The following EP400 variants were observed in gnomAD, a reference collection of about 807,000 sequenced individuals.
EP400 encodes E1A-binding protein p400.
EP400 carries 105 observed loss-of-function variants against 354.1 expected under a neutral mutation model. The observed-to-expected ratio is 0.30, with a 90% CI of 0.25 to 0.35. EP400 has a LOEUF of 0.35. Among genes scored for constraint, EP400 ranks in the 10% least tolerant of loss-of-function variants. EP400 has a pLI of 1.00. For synonymous variants in EP400, 1,646 were observed against 1,716.9 expected (o/e 0.96, Z 1.02); for missense variants, 3,280 against 4,121.0 (o/e 0.80, Z 5.59).
At position 132,064,930 on chromosome 12, in the gene EP400, T is replaced by C. The variant is rs759413311; in HGVS notation, c.8553+44T>C. ...TTGTTTTCCAAAAGCAGCATCTTTT[T>C]ATGTTTTAACACAGCTGTTGCGCTT... On this transcript the variant is annotated intron_variant, in intron 48 of 52. Transcript: ENST00000389561. The C allele has an allele frequency of 2.2e-5, 34 of 1,552,206 alleles. No homozygotes were observed. The Admixed American group carries it at 6.0e-4, about 27-fold the overall frequency.
At chr12:131,971,467 C>CA (rs1651072733) in intron 2 of EP400, among the ~76,000 whole-genome samples, 1 of 152,202 alleles carries the variant, frequency 6.6e-6, no homozygotes, top group Non-Finnish European at 1.5e-5. Context: ...CTCTTCAAGA[C>CA]ACGGATTTCC....
At chr12:131,995,151 C>T (rs1487534001) in intron 12 of EP400, 195 bp downstream of exon 12, 3 of 517,950 alleles carry the variant, frequency 5.8e-6, no homozygotes, top group South Asian at 2.2e-5. Flanking sequence ...TCGGACACTG[C>T]CCTGACTGTC....
rs185702354 is a variant in EP400 at position 132,017,513 on chromosome 12, G to A, written c.3924-22G>A. The A allele has an allele frequency of 7.7e-5, 124 of 1,611,638 alleles. No individual in the cohort carries two copies. In the Admixed American group the frequency reaches 1.1e-3, roughly 14 times the overall value. On this transcript the variant is annotated intron_variant, in intron 19 of 52. Coordinates refer to ENST00000389561, the MANE Select transcript of EP400 (RefSeq NM_015409.5). The surrounding 1 kb of genome is among the most constrained non-coding windows in gnomAD (Gnocchi z 5.0). ...ATGTGCCGTTTGGATTGAATGCTTC[G>A]TGTTTCTTTCTCCACGGGCAGCACT...
rs1894073731 is a variant in EP400 at position 132,020,081 on chromosome 12, C to T, written c.4310C>T (p.Pro1437Leu). 6.9e-6 allele frequency: 11 copies of T among 1,592,346 alleles called. No individual in the cohort carries two copies. Among genetic ancestry groups the T allele is most frequent in the Non-Finnish European group, 8.6e-6 (10 of 1,169,242 alleles). Residue 1437 changes from proline (P) to leucine (L), a missense_variant, in exon 22 of 53, where the codon CCC (proline) becomes CTC (leucine). Physicochemically the swap from Pro to Leu is moderately conservative, Grantham distance 98. Coordinates refer to ENST00000389561, the MANE Select transcript of EP400 (RefSeq NM_015409.5). ...LFQPVQYGQK[P>L]EGRTVAFPST... ...CAGCCTGTGCAGTATGGCCAGAAGCCCGAGGGTCGCACCGTGGCTTTCCCC... is the reference window on the plus strand; with the variant it reads ...CAGCCTGTGCAGTATGGCCAGAAGCTCGAGGGTCGCACCGTGGCTTTCCCC...
chr12:131,953,100 A>G (rs1891571284), intron 1 of EP400, among the ~76,000 whole-genome samples: 1 of 152,150 alleles, frequency 6.6e-6, no homozygotes, highest in East Asian at 1.9e-4. Context: ...GGGTGAAAAA[A>G]CTTAGGCATT....
intron 2 of EP400, among the ~76,000 whole-genome samples, chr12:131,968,272 C>T (rs1043564492): frequency 6.6e-6 from 1 of 152,172 alleles, no homozygotes; most frequent in African/African-American, 2.4e-5. Context: ...TTTTGTGTAA[C>T]ATGGCAAATA....
At chr12:132,065,060 C>A in intron 48 of EP400, 174 bp downstream of exon 48, 1 of 1,199,996 alleles carries the variant, frequency 8.3e-7, no homozygotes, top group Non-Finnish European at 1.1e-6. Context: ...ACTCGTGGAA[C>A]ATTAACACAG....
At chr12:132,055,455 G>GGTGTGTGTGTGTGGTGTAGGGGT (rs1895455234) in intron 45 of EP400, among the ~76,000 whole-genome samples, 3 of 140,684 alleles carry the variant, frequency 2.1e-5, no homozygotes, top group Non-Finnish European at 4.6e-5. Context: ...GTGGTGTAGG[G>GGTGTGTGTGTGTGGTGTAGGGGT]GTGTGTGTGT....
At chr12:131,987,661 C>T (rs1211275329) in intron 6 of EP400, 44 bp from the exon 7 acceptor site, 1 of 1,505,290 alleles carries the variant, frequency 6.6e-7, no homozygotes, top group South Asian at 1.4e-5. Context: ...GTGGAACACA[C>T]TCATCACATG....
At chr12:131,951,950 T>G (rs1331107139) in intron 1 of EP400, among the ~76,000 whole-genome samples, 2 of 151,942 alleles carry the variant, frequency 1.3e-5, no homozygotes, top group Non-Finnish European at 1.5e-5. Context: ...CTACTTTTTT[T>G]TTTTTTTTAA....
chr12:131,953,059 A>T (rs1011136132), intron 1 of EP400, among the ~76,000 whole-genome samples: 3 of 152,172 alleles, frequency 2.0e-5, no homozygotes. Context: ...GATATCTCCA[A>T]CAAGGGAGTG....
Position 132,064,662 on chromosome 12 carries a change from T to A in EP400, c.8335-6T>A. 6.2e-7 allele frequency: 1 copy of A among 1,609,550 alleles called. No homozygotes were observed. The highest frequency in any genetic ancestry group is 1.1e-5 in the South Asian group (1 of 90,962). On this transcript the variant is annotated splice_region_variant and splice_polypyrimidine_tract_variant and intron_variant, in intron 47 of 52. Coordinates refer to ENST00000389561, the MANE Select transcript of EP400 (RefSeq NM_015409.5). ...TTGAAGAGAAGATACTTTGCTTGTA[T>A]TTTAGGAACACCTCATCAAAATGCA...
At chr12:131,959,385 T>C (rs1891804293) in intron 1 of EP400, among the ~76,000 whole-genome samples, 1 of 152,068 alleles carries the variant, frequency 6.6e-6, no homozygotes, top group Non-Finnish European at 1.5e-5. Context: ...GGGGCTGCAG[T>C]GGTGGGGCTC....
At chr12:131,982,771 A>G (rs1156445147) in intron 5 of EP400, among the ~76,000 whole-genome samples, 1 of 152,074 alleles carries the variant, frequency 6.6e-6, no homozygotes, top group Non-Finnish European at 1.5e-5. Context: ...GGAGTTCGAG[A>G]CCAACCTGGC....
intron 15 of EP400, among the ~76,000 whole-genome samples, chr12:132,008,755 C>T (rs1424477238): frequency 6.6e-6 from 1 of 150,916 alleles, no homozygotes; most frequent in African/African-American, 2.4e-5. Context: ...GTAGCTGGGA[C>T]TACAGACGCT....
intron 19 of EP400, among the ~76,000 whole-genome samples, chr12:132,014,858 C>T (rs1425875725): frequency 1.3e-5 from 2 of 152,172 alleles, no homozygotes; most frequent in African/African-American, 2.4e-5. Flanking sequence ...GCACTCTGGC[C>T]GTGGCACAGC....
At chr12:132,061,826 C>T (rs552447178) in intron 45 of EP400, among the ~76,000 whole-genome samples, 8 of 152,118 alleles carry the variant, frequency 5.3e-5, no homozygotes, top group Non-Finnish European at 8.8e-5. Flanking sequence ...GGTCTTTGTG[C>T]GGAGAGGGAG....
Position 132,069,580 on chromosome 12 carries a change from C to A in EP400, c.8960C>A (p.Thr2987Asn), listed in dbSNP as rs769337370. 2.5e-6 allele frequency: 4 copies of A among 1,614,246 alleles called. No individual in the cohort carries two copies. The highest frequency in any genetic ancestry group is 1.1e-5 in the South Asian group (1 of 91,088). Residue 2987 changes from threonine to asparagine, a missense_variant, in exon 51 of 53, where the codon ACC becomes AAC. Around this residue, in one of 20 missense-constraint regions of EP400, gnomAD observed 279 missense variants for 386.7 expected, o/e 0.72. Transcript: ENST00000389561. ...AQPALKTQFL[T>N]TPISQAQKLA... ...CCGGCCCTTAAGACCCAGTTTCTTA[C>A]CACACCCATCTCCCAGGCCCAGAAA...
chr12:131,954,737 A>C (rs148142717), intron 1 of EP400, among the ~76,000 whole-genome samples: 2,115 of 151,198 alleles, frequency 0.014, 52 homozygotes, highest in African/African-American at 0.049. Flanking sequence ...AAAAAAAAAA[A>C]AAAAAAAAAA....
Sources: gnomAD v4.1 joint callset for allele counts (sites outside exome capture counted in the v4.1 genomes callset) on GRCh38, gnomAD v4.1.1 for gene constraint, gnomAD v4.1.1 regional missense constraint, Gnocchi (gnomAD v3.1) non-coding constraint, MANE v1.5 for transcripts, NCBI Gene and HGNC (gene_info 2026-07-23, HGNC 2026-07-21) for gene names.